PIGT: variants seen among roughly 807,000 people sequenced by gnomAD.
The protein encoded by PIGT is phosphatidylinositol glycan anchor biosynthesis class T.
PIGT carries 57 observed loss-of-function variants against 66.7 expected under a neutral mutation model. The observed-to-expected ratio is 0.86, with a 90% CI of 0.69 to 1.07. The LOEUF is 1.07. Among genes scored for constraint, PIGT ranks in the 50% least tolerant of loss-of-function variants. The pLI is 0.00. For synonymous variants in PIGT, 362 were observed against 320.5 expected (o/e 1.13, Z -1.38); for missense variants, 725 against 740.4 (o/e 0.98, Z 0.24).
At position 45,416,201 on chromosome 20, in the gene PIGT, G is replaced by A. The variant is rs1989954596; in HGVS notation, c.45G>A (p.Leu15=). 6.9e-6 allele frequency: 11 copies of A among 1,590,920 alleles called. No homozygotes were observed. The highest frequency in any genetic ancestry group is 9.4e-6 in the Non-Finnish European group (11 of 1,169,780). Residue 15 remains leucine (L), a synonymous_variant, in exon 1 of 12, where the codon CTG becomes CTA. Transcript: ENST00000279036. ...TTGCTCTGCTCGTCCTGTTGCTCCT[G>A]GGGCCCGGCGGCTGGTGCCTTGCAG... The part of the protein sequence containing the change: ...MPLALLVLLL[L]GPGGWCLAEP...
intron 1 of PIGT, 59 bp downstream of exon 1, chr20:45,416,402 C>T (rs1387195062): frequency 7.1e-6 from 11 of 1,550,834 alleles, no homozygotes; most frequent in East Asian, 4.6e-5. Flanking sequence ...GCTGGCCGGC[C>T]GTGGGATGAA....
intron 8 of PIGT, chr20:45,421,102 A>G: frequency 5.6e-6 from 3 of 536,130 alleles, no homozygotes; most frequent in South Asian, 4.8e-5. Context: ...CAGTTCCCTT[A>G]CCAAGGGAAA....
At position 45,419,104 on chromosome 20, in the gene PIGT, C is replaced by T. The variant is rs1364876481; in HGVS notation, c.493+125C>T. 3 of 1,258,976 alleles carry T rather than the reference C, an allele frequency of 2.4e-6. No individual in the cohort carries two copies. In the Admixed American group the frequency reaches 5.4e-5, roughly 23 times the overall value. The allele number at this position is 1,258,976 out of a possible 1,614,324, so 78.0% of individuals were successfully genotyped here. ...ATCCTAAGTCCCCTGTGTGTGCAGG[C>T]CCCCAATACTGTGCCATCTCTGCAT... On this transcript the variant is annotated intron_variant, in intron 3 of 11. Transcript: ENST00000279036.
Position 45,420,087 on chromosome 20 carries a change from G to A in PIGT, c.682-49G>A, listed in dbSNP as rs753558624. 10 of 1,324,156 alleles carry A rather than the reference G, an allele frequency of 7.6e-6. 1 individual carries two copies. The South Asian group carries it at 1.1e-4, about 15-fold the overall frequency. 82.0% of individuals were successfully genotyped at this position (1,324,156 alleles called of 1,614,324 possible). ...GAGTAGGAGTCTTTTTGGGGGCTGT[G>A]TGGTGAGAGTGATACCCCCTCACTG... On this transcript the variant is annotated intron_variant, in intron 5 of 11. Transcript: ENST00000279036.
chr20:45,416,348 G>C lies in PIGT; in HGVS notation c.187+5G>C. 6.3e-7 allele frequency: 1 copy of C among 1,580,256 alleles called. No individual in the cohort carries two copies. The highest frequency in any genetic ancestry group is 8.6e-7 in the Non-Finnish European group (1 of 1,160,652). On this transcript the variant is annotated splice_donor_5th_base_variant and intron_variant, in intron 1 of 11. Coordinates refer to ENST00000279036, the MANE Select transcript of PIGT (RefSeq NM_015937.6). ...CGGAGCTTCAGCGGGAAGGAGGTGA[G>C]GGCGCGAGATCTGACCAGGGAAAGA...
At chr20:45,424,145 A>G in intron 9 of PIGT, 71 bp from the exon 10 acceptor site, 2 of 1,443,852 alleles carry the variant, frequency 1.4e-6, no homozygotes. Flanking sequence ...CTCCATGGCA[A>G]GCAGCAGGGA....
Position 45,419,396 on chromosome 20 carries a change from G to A in PIGT, c.594+1G>A, listed in dbSNP as rs780128113. ...GAAGCTCTTGCCCTGTAGTTCCAAG[G>A]TGAGGCCGCAGAGCCTGGCAGCCGG... On this transcript the variant is annotated splice_donor_variant, in intron 4 of 11. Coordinates refer to ENST00000279036, the MANE Select transcript of PIGT (RefSeq NM_015937.6). LOFTEE classifies it high-confidence loss of function. 3.1e-6 allele frequency: 5 copies of A among 1,612,114 alleles called. No individual in the cohort carries two copies. In the South Asian group the frequency reaches 5.5e-5, roughly 18 times the overall value.
At chr20:45,419,906 A>G in intron 5 of PIGT, 2 of 599,994 alleles carry the variant, frequency 3.3e-6, no homozygotes, top group Non-Finnish European at 3.0e-6. Flanking sequence ...GCCACATGAC[A>G]TTGATAGTAG....
At chr20:45,419,760 A>G (rs564109069) in intron 5 of PIGT, 170 bp downstream of exon 5, 1 of 630,090 alleles carries the variant, frequency 1.6e-6, no homozygotes, top group South Asian at 1.9e-5. Flanking sequence ...CCTAGCAAGC[A>G]CTGAATAAAT....
intron 8 of PIGT, chr20:45,420,916 G>T: frequency 3.4e-6 from 2 of 587,088 alleles, no homozygotes; most frequent in Non-Finnish European, 6.1e-6. Context: ...TTAGCAAATT[G>T]GATGAGATGA....
chr20:45,424,759 A>T, intron 11 of PIGT, 180 bp downstream of exon 11: 1 of 597,576 alleles, frequency 1.7e-6, no homozygotes, highest in Non-Finnish European at 3.0e-6. Context: ...AGACTTTATA[A>T]AATGATTTTA....
chr20:45,424,137 C>G, intron 9 of PIGT, 79 bp from the exon 10 acceptor site: 1 of 1,375,272 alleles, frequency 7.3e-7, no homozygotes, highest in Non-Finnish European at 1.0e-6. Flanking sequence ...GATTGAGGCT[C>G]CATGGCAAGC....
In PIGT at chr20:45,425,582, T is replaced by C. The variant is rs757136841; in HGVS notation, c.1493T>C (p.Val498Ala). Residue 498 changes from valine (V) to alanine (A), a missense_variant, in exon 12 of 12, where the codon GTC (valine) becomes GCC (alanine). Around this residue, in one of 3 missense-constraint regions of PIGT, gnomAD observed 162 missense variants for 171.1 expected, o/e 0.95. Coordinates refer to ENST00000279036, the MANE Select transcript of PIGT (RefSeq NM_015937.6). Reference sequence around the variant, plus strand: ...TCTTCCCCTGACCCCAGGTTCCCAGTCTCTGATGGCTCTAACTACTTTGTG... The same window carrying C: ...TCTTCCCCTGACCCCAGGTTCCCAGCCTCTGATGGCTCTAACTACTTTGTG... The part of the protein sequence containing the change: ...ESPLFNSLFP[V>A]SDGSNYFVRL... 6.2e-7 allele frequency: 1 copy of C among 1,613,644 alleles called. No individual in the cohort carries two copies. The highest frequency in any genetic ancestry group is 2.2e-5 in the East Asian group (1 of 44,868).
intron 11 of PIGT, chr20:45,425,142 T>C (rs1230629049): frequency 8.1e-5 from 1 of 12,370 alleles, no homozygotes. Context: ...TCTTTCTTTC[T>C]CTTTCTTTCT....
In PIGT at chr20:45,425,664, C is replaced by T. The variant is rs374558790; in HGVS notation, c.1575C>T (p.Pro525=). 1 of 1,614,168 alleles carries T rather than the reference C, an allele frequency of 6.2e-7. No individual in the cohort carries two copies. The highest frequency in any genetic ancestry group is 8.5e-7 in the Non-Finnish European group (1 of 1,180,020). The part of the protein sequence containing the change: ...VNLPTPDFSM[P]YNVICLTCTV... ...TGCCGACACCGGACTTCAGCATGCC[C>T]TACAACGTGATCTGCCTCACGTGCA... Residue 525 remains proline (P), a synonymous_variant, in exon 12 of 12, where the codon CCC becomes CCT. Coordinates refer to ENST00000279036, the MANE Select transcript of PIGT (RefSeq NM_015937.6).
At position 45,424,266 on chromosome 20, in the gene PIGT, G is replaced by A; in HGVS notation, c.1285G>A (p.Glu429Lys). 1 of 1,614,146 alleles carries A rather than the reference G, an allele frequency of 6.2e-7. No individual in the cohort carries two copies. The highest frequency in any genetic ancestry group is 8.5e-7 in the Non-Finnish European group (1 of 1,180,012). ...AQDRLQPHLL[E>K]MLIQLPANSV... ...GGACCGGCTGCAACCCCACCTCCTG[G>A]AGATGCTGATTCAGCTGCCGGCCAA... Residue 429 changes from glutamate to lysine, a missense_variant, in exon 10 of 12, where the codon GAG becomes AAG. By Grantham distance (56) the Glu-to-Lys change is moderately conservative (BLOSUM62 1). Coordinates refer to ENST00000279036, the MANE Select transcript of PIGT (RefSeq NM_015937.6).
At chr20:45,419,813 G>A in intron 5 of PIGT, 1 of 601,210 alleles carries the variant, frequency 1.7e-6, no homozygotes, top group Non-Finnish European at 3.0e-6. Flanking sequence ...AGCTATGCGG[G>A]TGCAATTGCT....
chr20:45,416,582 C>T lies in PIGT; in HGVS notation c.253C>T (p.Leu85=), dbSNP rs1300838025. The T allele has an allele frequency of 2.8e-5, 45 of 1,614,098 alleles. No individual in the cohort carries two copies. The East Asian group carries it at 1.0e-3, about 36-fold the overall frequency. ...GATCTCCAAGTATTCTCTACGGGAG[C>T]TGCACCTGTCATTCACACAAGGCTT... is the stretch of plus-strand genomic sequence containing the variant. ...QLISKYSLRE[L]HLSFTQGFWR... Residue 85 remains leucine (L), a synonymous_variant, in exon 2 of 12, where the codon CTG becomes TTG. Transcript: ENST00000279036.
rs1990358756 is a variant in PIGT, at chr20:45,421,431, ATGGGCTGCAGAAGGGGG to A, written c.1083_1099del (p.Tyr361Ter). The stretch of plus-strand genomic sequence containing the variant: ...CATGCCCAGCGGTACGTGAGTGGCT[ATGGGCTGCAGAAGGGGG>A]AGCTGAGCACACTGCTGTACAACAC... On this transcript the variant is annotated stop_gained and frameshift_variant, in exon 9 of 12. Coordinates refer to ENST00000279036, the MANE Select transcript of PIGT (RefSeq NM_015937.6). LOFTEE classifies it high-confidence loss of function. 6.2e-7 allele frequency: 1 copy of A among 1,614,020 alleles called. No individual in the cohort carries two copies. Among genetic ancestry groups the A allele is most frequent in the South Asian group, 1.1e-5 (1 of 91,084 alleles).
Sources: allele counts gnomAD v4.1 joint callset, GRCh38; gene constraint gnomAD v4.1.1; regional missense constraint gnomAD v4.1.1; transcripts MANE v1.5; gene names NCBI Gene and HGNC (gene_info 2026-07-23, HGNC 2026-07-21).